The following KLHDC1 variants were observed in gnomAD, a reference collection of about 807,000 sequenced individuals.
The protein encoded by KLHDC1 is kelch domain containing 1.
A neutral mutation model predicts 68.3 loss-of-function variants in KLHDC1; 53 were observed. The ratio of observed to expected loss-of-function variants is 0.78; its 90% confidence interval spans 0.62 to 0.98. The LOEUF (loss-of-function observed/expected upper bound fraction) is 0.98, where lower values mean the gene tolerates loss of function less well. Ranked by LOEUF, KLHDC1 falls within the 50% of genes least tolerant of loss-of-function variation. The pLI, the probability that KLHDC1 is intolerant of heterozygous loss-of-function variation, is 0.00. For missense variants in KLHDC1, 470 were observed against 492.3 expected, an observed-to-expected ratio of 0.95 and a Z score of 0.43; for synonymous variants, 148 against 159.0, an observed-to-expected ratio of 0.93 and a Z score of 0.52.
chr14:49,748,928 GT>G (rs112389413), intron 12 of KLHDC1, among the ~76,000 whole-genome samples: 5,362 of 151,808 alleles, frequency 0.035, 317 homozygotes, highest in African/African-American at 0.12. Context: ...AGCCTCCCGA[GT>G]AGCTGAGATT....
rs138533511 is a variant in KLHDC1, at chr14:49,704,352, T to A, written c.97-4807T>A. On this transcript the variant is annotated intron_variant, in intron 1 of 12. Transcript: ENST00000359332. ...TTGTGTGAGTTGAATATGTCTTCAA[T>A]TTATAGCTTGTCTTTTTATTTTTTT... is the stretch of plus-strand genomic sequence containing the variant. Among the ~76,000 whole-genome samples the A allele has an allele frequency of 7.2e-3, 1,089 of 151,618 alleles. 15 individuals are homozygous for A. Among genetic ancestry groups the A allele is most frequent in the African/African-American group, 0.025 (1,035 of 41,354 alleles).
chr14:49,736,899 A>G (rs980752284), intron 10 of KLHDC1, among the ~76,000 whole-genome samples: 13 of 152,344 alleles, frequency 8.5e-5, no homozygotes, highest in African/African-American at 3.1e-4. Flanking sequence ...CGACTGTTCT[A>G]CAGTGTAGCA....
Position 49,732,704 on chromosome 14 carries a change from G to C in KLHDC1, c.711G>C (p.Arg237Ser). The part of the protein sequence containing the change: ...LNLDTWTWSG[R>S]ITINGESPKH... ...GACTTTCTTTTTCTCCTTGCCACAGGATTACTATTAATGGAGAAAGCCCAA... is the reference window on the plus strand; with the variant it reads ...GACTTTCTTTTTCTCCTTGCCACAGCATTACTATTAATGGAGAAAGCCCAA... Residue 237 changes from arginine to serine, a missense_variant and splice_region_variant, in exon 9 of 13, where the codon AGG becomes AGC. Physicochemically the swap from Arg to Ser is moderately radical, Grantham distance 110 (BLOSUM62 -1). Transcript: ENST00000359332. The C allele has an allele frequency of 6.8e-7, 1 of 1,469,202 alleles. No homozygotes were observed. The highest frequency in any genetic ancestry group is 9.5e-7 in the Non-Finnish European group (1 of 1,050,536). The allele number at this position is 1,469,202 out of a possible 1,614,324, so 91.0% of individuals were successfully genotyped here. A position where few individuals can be genotyped will look rare whatever the true frequency, so the allele number is the denominator to read the frequency against.
At chr14:49,707,931 C>T (rs1054636967) in intron 1 of KLHDC1, among the ~76,000 whole-genome samples, 1 of 151,560 alleles carries the variant, frequency 6.6e-6, no homozygotes, top group Middle Eastern at 3.4e-3. Context: ...GCTGGGATTA[C>T]AGGAATGAGC....
At chr14:49,733,246 C>T (rs1888857544) in intron 9 of KLHDC1, among the ~76,000 whole-genome samples, 2 of 151,960 alleles carry the variant, frequency 1.3e-5, no homozygotes, top group South Asian at 4.2e-4. Flanking sequence ...TGTTCCAGAG[C>T]TGTAGAGGAA....
intron 1 of KLHDC1, chr14:49,708,803 T>C (rs1481338056): frequency 6.5e-6 from 1 of 154,994 alleles, no homozygotes; most frequent in Non-Finnish European, 1.4e-5. Context: ...TTTTTTTTAT[T>C]TTTTGATGAT....
At chr14:49,733,068 A>G (rs1292762151) in intron 9 of KLHDC1, among the ~76,000 whole-genome samples, 1 of 152,090 alleles carries the variant, frequency 6.6e-6, no homozygotes, top group Non-Finnish European at 1.5e-5. Flanking sequence ...TTATACTACT[A>G]TATTCTGTGA....
chr14:49,701,971 C>A (rs979921506), intron 1 of KLHDC1, among the ~76,000 whole-genome samples: 2 of 152,058 alleles, frequency 1.3e-5, no homozygotes, highest in Admixed American at 1.3e-4. Flanking sequence ...GAGTGGGAGA[C>A]CAGCCTCACC....
chr14:49,723,799 G>A, intron 4 of KLHDC1, 75 bp from the exon 5 acceptor site: 2 of 779,116 alleles, frequency 2.6e-6, no homozygotes, highest in Admixed American at 5.4e-5. Context: ...TAAGGTGAGA[G>A]GATCTTTTTC....
chr14:49,745,257 C>T (rs1890272932), intron 12 of KLHDC1, among the ~76,000 whole-genome samples: 1 of 152,208 alleles, frequency 6.6e-6, no homozygotes, highest in Non-Finnish European at 1.5e-5. Context: ...TTAACTACCC[C>T]TTCTCTTAGC....
rs551758172 is a variant in KLHDC1 at position 49,736,198 on chromosome 14, A to G, written c.896+1537A>G. Among the ~76,000 whole-genome samples, 6 of 152,328 alleles carry G rather than the reference A, an allele frequency of 3.9e-5. No homozygotes were observed. In the South Asian group the frequency reaches 1.2e-3, roughly 32 times the overall value. ...TTATATTTCAACCCTTAATGAGTAG[A>G]GCAACACAACTATTATCTATAATAT... On this transcript the variant is annotated intron_variant, in intron 10 of 12. Coordinates refer to ENST00000359332, the MANE Select transcript of KLHDC1 (RefSeq NM_172193.3).
At chr14:49,740,335 CTTTT>C (rs1889030318) in intron 11 of KLHDC1, among the ~76,000 whole-genome samples, 153 bp downstream of exon 11, 1 of 152,088 alleles carries the variant, frequency 6.6e-6, no homozygotes, top group African/African-American at 2.4e-5. Context: ...GGATGACTGG[CTTTT>C]TTGTTTGTTT....
chr14:49,700,981 G>A (rs1044196102), intron 1 of KLHDC1, among the ~76,000 whole-genome samples: 3 of 152,084 alleles, frequency 2.0e-5, no homozygotes, highest in African/African-American at 7.2e-5. Context: ...TACTCAGGAG[G>A]CCGAGGCAGG....
chr14:49,720,005 G>C (rs1216224378), intron 4 of KLHDC1, among the ~76,000 whole-genome samples: 1 of 112,712 alleles, frequency 8.9e-6, no homozygotes, highest in Non-Finnish European at 1.8e-5. Context: ...TTTTTTTTTT[G>C]AGACAGTGTC....
intron 1 of KLHDC1, among the ~76,000 whole-genome samples, chr14:49,699,067 G>A (rs1366517839): frequency 4.0e-5 from 6 of 150,946 alleles, no homozygotes; most frequent in African/African-American, 1.2e-4. Context: ...TGGAGGCTGA[G>A]GCAGGAGAAT....
chr14:49,693,601 T>C (rs1213969033), intron 1 of KLHDC1, among the ~76,000 whole-genome samples: 1 of 151,906 alleles, frequency 6.6e-6, no homozygotes, highest in African/African-American at 2.4e-5. Flanking sequence ...CGATTAATTA[T>C]TATCCTTAAA....
At chr14:49,749,457 G>A (rs546041314) in intron 12 of KLHDC1, among the ~76,000 whole-genome samples, 9 of 151,876 alleles carry the variant, frequency 5.9e-5, no homozygotes, top group Non-Finnish European at 1.2e-4. Context: ...CACCCAAGGG[G>A]CAGGAGTTCG....
At chr14:49,701,141 AT>A (rs902049720) in intron 1 of KLHDC1, among the ~76,000 whole-genome samples, 1 of 152,136 alleles carries the variant, frequency 6.6e-6, no homozygotes, top group African/African-American at 2.4e-5. Context: ...AGGAAAAAAA[AT>A]AAGACTATTT....
At position 49,738,490 on chromosome 14, in the gene KLHDC1, G is replaced by T. The variant is rs146795091; in HGVS notation, c.897-1608G>T. 5.3e-3 allele frequency among the ~76,000 whole-genome samples: 803 copies of T among 152,096 alleles called. 7 individuals are homozygous for T. The highest frequency in any genetic ancestry group is 0.019 in the African/African-American group (770 of 41,478). On this transcript the variant is annotated intron_variant, in intron 10 of 12. Transcript: ENST00000359332. ...GCCTTCTAAGTAGCTGGGATTACAGGCATGCGCCAACAAGCTCGGCTAATT... is the reference window on the plus strand; with the variant it reads ...GCCTTCTAAGTAGCTGGGATTACAGTCATGCGCCAACAAGCTCGGCTAATT...
Sources: allele counts gnomAD v4.1 joint callset (sites outside exome capture counted in the v4.1 genomes callset), GRCh38; gene constraint gnomAD v4.1.1; transcripts MANE v1.5; gene names NCBI Gene and HGNC (gene_info 2026-07-23, HGNC 2026-07-21).